The following IL22 variants were observed in gnomAD, a reference collection of about 807,000 sequenced individuals.
The protein encoded by IL22 is interleukin 22, also known as interleukin-22.
A neutral mutation model predicts 15.5 loss-of-function variants in IL22; 15 were observed. That is an observed-to-expected ratio of 0.97 (90% CI 0.65 to 1.49). The LOEUF (loss-of-function observed/expected upper bound fraction) is 1.49. IL22 is among the 40% of genes most tolerant of loss of function. The pLI is 0.00. For synonymous variants in IL22, 91 were observed against 82.0 expected (o/e 1.11, Z -0.60); for missense variants, 225 against 215.4 (o/e 1.04, Z -0.28).
chr12:68,252,428 G>C, intron 4 of IL22, 76 bp downstream of exon 4: 1 of 1,460,078 alleles, frequency 6.8e-7, no homozygotes, highest in Non-Finnish European at 9.5e-7. Flanking sequence ...GGGAAGGAGA[G>C]AGAGTTGGGG....
rs546436547 is a variant in IL22, at chr12:68,248,865, A to G, written c.474T>C (p.Ser158=). ...GTTCTCCAATTGCTTTGATCTCTCC[A>G]CTCTCTCCAAGCTGTGAAAATAAGA... ...LKDTVKKLGE[S]GEIKAIGELD... is the part of the protein sequence containing the mutation. The change falls in exon 6 of 6, where the codon AGT becomes AGC. Residue 158 remains serine, a synonymous_variant. Transcript: ENST00000538666. The G allele has an allele frequency of 6.2e-6, 10 of 1,611,976 alleles. No homozygotes were observed. In the African/African-American group the frequency reaches 1.3e-4, roughly 22 times the overall value.
intron 4 of IL22, among the ~76,000 whole-genome samples, chr12:68,252,021 G>A (rs1439141239): frequency 6.6e-6 from 1 of 152,072 alleles, no homozygotes; most frequent in Non-Finnish European, 1.5e-5. Flanking sequence ...CAAATGTTCA[G>A]CGGCATCAAG....
intron 4 of IL22, 55 bp downstream of exon 4, chr12:68,252,449 T>C (rs1279970345): frequency 6.3e-7 from 1 of 1,589,046 alleles, no homozygotes; most frequent in African/African-American, 1.3e-5. Flanking sequence ...TAAGGGGGTC[T>C]CTGTGGAAGG....
At chr12:68,253,035 T>C (rs560753486) in intron 2 of IL22, among the ~76,000 whole-genome samples, 97 of 150,444 alleles carry the variant, frequency 6.4e-4, no homozygotes, top group African/African-American at 2.4e-3. Flanking sequence ...GGCCGCTCTT[T>C]GGGAAAAATT....
chr12:68,252,921 G>A, intron 2 of IL22, 92 bp from the exon 3 acceptor site: 1 of 951,114 alleles, frequency 1.1e-6, no homozygotes, highest in Non-Finnish European at 1.7e-6. Flanking sequence ...TCTCCCCAGA[G>A]CAACATCATA....
intron 5 of IL22, among the ~76,000 whole-genome samples, chr12:68,249,897 A>T (rs902318162): frequency 2.9e-4 from 44 of 152,178 alleles, no homozygotes; most frequent in Admixed American, 1.6e-3. Context: ...CCAAAAAGAT[A>T]TTCTTTTCTA....
chr12:68,250,587 C>A (rs542263191), intron 5 of IL22, among the ~76,000 whole-genome samples: 4 of 152,224 alleles, frequency 2.6e-5, no homozygotes, highest in Non-Finnish European at 5.9e-5. Context: ...AAGAGCGTCA[C>A]TTTCACTGCT....
At chr12:68,252,229 C>G (rs956032776) in intron 4 of IL22, among the ~76,000 whole-genome samples, 1 of 152,150 alleles carries the variant, frequency 6.6e-6, no homozygotes, top group African/African-American at 2.4e-5. Context: ...TCTCATCTTA[C>G]GCAACCTGAG....
chr12:68,248,458 C>T lies in IL22; in HGVS notation c.*341G>A, dbSNP rs1366255624. 3.7e-5 allele frequency: 6 copies of T among 161,736 alleles called. No individual in the cohort carries two copies. The highest frequency in any genetic ancestry group is 7.2e-5 in the African/African-American group (3 of 41,654). 10.0% of individuals were successfully genotyped at this position (161,736 alleles called of 1,614,324 possible). The stretch of plus-strand genomic sequence containing the variant: ...AAGTACTGATTATGGAAACATGAAG[C>T]TATTTAGGGGTTTTTTCCCCTAAAG... On this transcript the variant is annotated 3_prime_UTR_variant, in exon 6 of 6. Transcript: ENST00000538666.
intron 5 of IL22, among the ~76,000 whole-genome samples, chr12:68,249,319 T>G (rs1292912433): frequency 6.6e-6 from 1 of 152,184 alleles, no homozygotes; most frequent in Non-Finnish European, 1.5e-5. Context: ...CAGGACAGCT[T>G]TGAATGCACC....
At chr12:68,252,896 A>G in intron 2 of IL22, 67 bp from the exon 3 acceptor site, 1 of 1,206,110 alleles carries the variant, frequency 8.3e-7, no homozygotes, top group Non-Finnish European at 1.2e-6. Flanking sequence ...ATACATAGAC[A>G]TGTGCCCCAT....
chr12:68,251,014 G>T (rs927748442), intron 5 of IL22, among the ~76,000 whole-genome samples: 9 of 152,076 alleles, frequency 5.9e-5, no homozygotes, highest in Admixed American at 3.3e-4. Flanking sequence ...TTTTCTCATT[G>T]TTCTGAGTTT....
Position 68,252,648 on chromosome 12 carries a change from C to A in IL22, c.253-1G>T. On this transcript the variant is annotated splice_acceptor_variant, in intron 3 of 5. Coordinates refer to ENST00000538666, the MANE Select transcript of IL22 (RefSeq NM_020525.5). LOFTEE classifies it high-confidence loss of function. ...TCATCAGATAGCAGCGCTCACTCAT[C>A]TGCAGGTGGAAGGGAAACAGAAAGG... 1 of 1,614,032 alleles carries A rather than the reference C, an allele frequency of 6.2e-7. No homozygotes were observed. The highest frequency in any genetic ancestry group is 8.5e-7 in the Non-Finnish European group (1 of 1,179,946).
At chr12:68,249,234 C>T (rs919234021) in intron 5 of IL22, among the ~76,000 whole-genome samples, 6 of 152,196 alleles carry the variant, frequency 3.9e-5, no homozygotes, top group Non-Finnish European at 7.3e-5. Flanking sequence ...GCCTGTTTTG[C>T]AGCTCCAAAA....
intron 5 of IL22, among the ~76,000 whole-genome samples, chr12:68,249,536 C>T (rs1026825084): frequency 1.3e-5 from 2 of 152,168 alleles, no homozygotes; most frequent in African/African-American, 2.4e-5. Context: ...TACATTAAGG[C>T]TTTTTCTATT....
At chr12:68,250,098 C>G (rs1474608821) in intron 5 of IL22, among the ~76,000 whole-genome samples, 2 of 152,168 alleles carry the variant, frequency 1.3e-5, no homozygotes, top group Non-Finnish European at 2.9e-5. Context: ...CAACATTGCT[C>G]TCCCTCCTGT....
intron 2 of IL22, 47 bp downstream of exon 2, chr12:68,253,216 G>T (rs766358001): frequency 2.0e-6 from 3 of 1,505,066 alleles, no homozygotes; most frequent in Non-Finnish European, 2.7e-6. Flanking sequence ...AGAACTATTT[G>T]GATTCCAAGT....
At position 68,252,814 on chromosome 12, in the gene IL22, T is replaced by C. The variant is rs746903721; in HGVS notation, c.202A>G (p.Asn68Asp). The C allele has an allele frequency of 1.9e-6, 3 of 1,613,950 alleles. No individual in the cohort carries two copies. Among genetic ancestry groups the C allele is most frequent in the Non-Finnish European group, 2.5e-6 (3 of 1,179,888 alleles). Residue 68 changes from asparagine to aspartate, a missense_variant, in exon 3 of 6, where the codon AAC becomes GAC. By Grantham distance (23) the Asn-to-Asp change is conservative. Coordinates refer to ENST00000538666, the MANE Select transcript of IL22 (RefSeq NM_020525.5). ...MLAKEASLAD[N>D]NTDVRLIGEK... is the part of the protein sequence containing the mutation. ...CCAATGAGACGAACGTCTGTGTTGT[T>C]ATCAGCCAAGCTAGCCTGGAAGAGA...
intron 5 of IL22, 88 bp from the exon 6 acceptor site, chr12:68,248,964 G>T: frequency 9.7e-7 from 1 of 1,029,648 alleles, no homozygotes; most frequent in Non-Finnish European, 1.5e-6. Context: ...TTAGGTTGAT[G>T]GAGACAGAAA....
Sources: allele counts gnomAD v4.1 joint callset (sites outside exome capture counted in the v4.1 genomes callset), GRCh38; gene constraint gnomAD v4.1.1; transcripts MANE v1.5; gene names NCBI Gene and HGNC (gene_info 2026-07-23, HGNC 2026-07-21).